The following CLDN14 variants were observed in gnomAD, a reference collection of about 807,000 sequenced individuals.
CLDN14 encodes the protein claudin 14, also known as claudin-14.
In CLDN14, 2 loss-of-function variants were observed where a neutral mutation model predicts 2.1. That is an observed-to-expected ratio of 0.96 (90% CI 0.39 to 3.01). The LOEUF (loss-of-function observed/expected upper bound fraction) is 3.01. Ranked by LOEUF, CLDN14 falls within the 30% of genes most tolerant of loss-of-function variation. The pLI, the probability that CLDN14 is intolerant of heterozygous loss-of-function variation, is 0.09. For synonymous variants in CLDN14, 136 were observed against 154.4 expected, an observed-to-expected ratio of 0.88 and a Z score of 0.88; for missense variants, 298 against 328.0, an observed-to-expected ratio of 0.91 and a Z score of 0.71.
At chr21:36,558,565 TAA>T in intron 1 of CLDN14, among the ~76,000 whole-genome samples, 2 of 152,292 alleles carry the variant, frequency 1.3e-5, no homozygotes, top group Middle Eastern at 6.8e-3. Flanking sequence ...AGGAAAGGAA[TAA>T]AGAATGGCTA....
intron 1 of CLDN14, among the ~76,000 whole-genome samples, chr21:36,468,455 T>C (rs1369576005): frequency 1.3e-5 from 2 of 152,110 alleles, no homozygotes; most frequent in Admixed American, 1.3e-4. Flanking sequence ...TGCATGCCTG[T>C]AATCCCAGCT....
intron 1 of CLDN14, among the ~76,000 whole-genome samples, chr21:36,541,908 T>A (rs1288984261): frequency 6.6e-6 from 1 of 152,042 alleles, no homozygotes; most frequent in Non-Finnish European, 1.5e-5. Flanking sequence ...CCCCCAATCA[T>A]GTGTGTGCAT....
Position 36,473,043 on chromosome 21 carries a change from CTCTATAGCAGGCTG to C in CLDN14, c.-82+6438_-82+6451del, listed in dbSNP as rs573593243. 2.3e-3 allele frequency among the ~76,000 whole-genome samples: 357 copies of C among 152,364 alleles called. 2 individuals are homozygous for C. The highest frequency in any genetic ancestry group is 7.9e-3 in the African/African-American group (330 of 41,576). ...TATTTCCAACATCAGCCCTTCTCAG[CTCTATAGCAGGCTG>C]CCTTCCAACTGAAACTGCAGTGTCC... On this transcript the variant is annotated intron_variant, in intron 1 of 1. Coordinates refer to ENST00000399135, the MANE Select transcript of CLDN14 (RefSeq NM_001146079.2).
At chr21:36,481,390 A>G (rs578185894), upstream of CLDN14, among the ~76,000 whole-genome samples, 11 of 152,302 alleles carry the variant, frequency 7.2e-5, no homozygotes, top group South Asian at 1.9e-3. Flanking sequence ...AAATGTGCCC[A>G]TATTATCTAT....
chr21:36,536,364 T>C (rs911960152), intron 1 of CLDN14, among the ~76,000 whole-genome samples: 1 of 152,244 alleles, frequency 6.6e-6, no homozygotes, highest in Non-Finnish European at 1.5e-5. Context: ...TTACCTCGAC[T>C]GAACTCATTT....
chr21:36,534,344 T>C (rs1157656944), intron 1 of CLDN14, among the ~76,000 whole-genome samples: 3 of 152,128 alleles, frequency 2.0e-5, no homozygotes, highest in African/African-American at 4.8e-5. Flanking sequence ...GGCATCTGCA[T>C]GCAACACACG....
At chr21:36,485,833 G>A in intron 2 of CLDN14, 1 of 483,718 alleles carries the variant, frequency 2.1e-6, no homozygotes, top group South Asian at 2.8e-5. Flanking sequence ...AACCTGATGG[G>A]AAATGAGAGG....
upstream of CLDN14, among the ~76,000 whole-genome samples, chr21:36,483,266 ATC>A (rs1208560665): frequency 5.8e-5 from 8 of 137,896 alleles, no homozygotes; most frequent in East Asian, 1.5e-3. Flanking sequence ...CGGGGTCTGC[ATC>A]TCTCTCTGCG....
rs562782334 is a variant in CLDN14, at chr21:36,572,484, T to TG, written c.-220+3926dup. Among the ~76,000 whole-genome samples the TG allele has an allele frequency of 1.5e-4, 23 of 152,298 alleles. No individual in the cohort carries two copies. In the East Asian group the frequency reaches 4.2e-3, roughly 28 times the overall value. Reference sequence around the variant, plus strand: ...TGGCCCAAGATTGAAGAGGAAAACTTGGTCTTTGTAGCACCACACTTAGCC... The same window carrying TG: ...TGGCCCAAGATTGAAGAGGAAAACTTGGGTCTTTGTAGCACCACACTTAGCC... On this transcript the variant is annotated intron_variant, in intron 1 of 2. Coordinates refer to the CLDN14 transcript ENST00000342108.
chr21:36,475,142 C>A (rs866085193), intron 1 of CLDN14, among the ~76,000 whole-genome samples: 1 of 152,158 alleles, frequency 6.6e-6, no homozygotes, highest in Non-Finnish European at 1.5e-5. Flanking sequence ...CGCCGGACAG[C>A]CTTTCCCAGC....
At chr21:36,560,014 GA>G (rs2087622814) in intron 1 of CLDN14, among the ~76,000 whole-genome samples, 1 of 152,186 alleles carries the variant, frequency 6.6e-6, no homozygotes, top group African/African-American at 2.4e-5. Context: ...AACGTTCATG[GA>G]ATTAAAGCAA....
At chr21:36,463,445 C>T (rs1324412949) in intron 1 of CLDN14, among the ~76,000 whole-genome samples, 2 of 152,226 alleles carry the variant, frequency 1.3e-5, no homozygotes, top group Admixed American at 6.5e-5. Context: ...GGCTCGGCGG[C>T]TCACGCCTGT....
chr21:36,506,716 C>T (rs899962497), intron 2 of CLDN14, among the ~76,000 whole-genome samples: 2 of 152,000 alleles, frequency 1.3e-5, no homozygotes, highest in Non-Finnish European at 2.9e-5. Context: ...GGGTCAAGGT[C>T]GGGGAGGACT....
At chr21:36,489,390 G>A (rs1453997928) in intron 2 of CLDN14, among the ~76,000 whole-genome samples, 1 of 152,080 alleles carries the variant, frequency 6.6e-6, no homozygotes, top group Non-Finnish European at 1.5e-5. Flanking sequence ...AGCTGATGCT[G>A]AGACACCAAT....
chr21:36,520,521 A>T (rs2087261748), intron 1 of CLDN14, among the ~76,000 whole-genome samples: 1 of 152,128 alleles, frequency 6.6e-6, no homozygotes, highest in South Asian at 2.1e-4. Context: ...CTTGGTTCTC[A>T]TTCTGTCTCT....
At chr21:36,545,748 T>C (rs913142086) in intron 1 of CLDN14, among the ~76,000 whole-genome samples, 4 of 152,256 alleles carry the variant, frequency 2.6e-5, no homozygotes, top group African/African-American at 9.6e-5. Context: ...TTTATTGTGA[T>C]GTTTTTGTAA....
chr21:36,470,277 T>C (rs1287913442), intron 1 of CLDN14, among the ~76,000 whole-genome samples: 1 of 152,176 alleles, frequency 6.6e-6, no homozygotes, highest in African/African-American at 2.4e-5. Flanking sequence ...ATGTAATTAG[T>C]TAAGATAAGG....
At chr21:36,575,771 C>T (rs1352282740) in intron 1 of CLDN14, among the ~76,000 whole-genome samples, 1 of 152,094 alleles carries the variant, frequency 6.6e-6, no homozygotes, top group Non-Finnish European at 1.5e-5. Context: ...GGATTTATAC[C>T]TGGTTTCACT....
At chr21:36,539,881 T>C (rs1267194369) in intron 1 of CLDN14, among the ~76,000 whole-genome samples, 2 of 148,370 alleles carry the variant, frequency 1.3e-5, no homozygotes, top group Non-Finnish European at 3.0e-5. Flanking sequence ...TGTCTGCAGA[T>C]GAGCGTCTGT....
Sources: allele counts gnomAD v4.1 joint callset (sites outside exome capture counted in the v4.1 genomes callset), GRCh38; gene constraint gnomAD v4.1.1; transcripts MANE v1.5; gene names NCBI Gene and HGNC (gene_info 2026-07-23, HGNC 2026-07-21).